Variants in CSGALNACT1 observed in about 807,000 individuals in gnomAD.
The protein encoded by CSGALNACT1 is beta4GalNAcT-1.
In CSGALNACT1, 52 loss-of-function variants were observed where a neutral mutation model predicts 51.0. That is an observed-to-expected ratio of 1.02 (90% CI 0.82 to 1.29). CSGALNACT1 has a LOEUF of 1.29. CSGALNACT1 is among the 50% of genes most tolerant of loss of function. The probability of loss-of-function intolerance (pLI) is 0.00; values close to 1 mark genes in which losing one functional copy is unlikely to be tolerated. For synonymous variants in CSGALNACT1, 341 were observed against 254.4 expected, an observed-to-expected ratio of 1.34 and a Z score of -3.24; for missense variants, 935 against 679.2, an observed-to-expected ratio of 1.38 and a Z score of -4.19.
At chr8:19,495,318 C>T (rs1385942087) in intron 4 of CSGALNACT1, 1 of 152,166 alleles carries the variant, frequency 6.6e-6, no homozygotes, top group Non-Finnish European at 1.5e-5. Context: ...GGGTCCTGTT[C>T]CAATATTCAT....
intron 3 of CSGALNACT1, among the ~76,000 whole-genome samples, chr8:19,540,029 A>T (rs1717581622): frequency 6.6e-6 from 1 of 152,210 alleles, no homozygotes; most frequent in African/African-American, 2.4e-5. Flanking sequence ...CCAAAGACAC[A>T]GAGAGAGTAG....
chr8:19,726,972 G>A (rs2063433865), intron 1 of CSGALNACT1, among the ~76,000 whole-genome samples: 1 of 152,176 alleles, frequency 6.6e-6, no homozygotes, highest in Admixed American at 6.5e-5. Context: ...CTCATACAGA[G>A]TTACTAGTCA....
At position 19,505,582 on chromosome 8, in the gene CSGALNACT1, C is replaced by A. The variant is rs764416172; in HGVS notation, c.253G>T (p.Glu85Ter). 6.2e-7 allele frequency: 1 copy of A among 1,614,028 alleles called. No individual in the cohort carries two copies. The highest frequency in any genetic ancestry group is 8.5e-7 in the Non-Finnish European group (1 of 1,180,034). Reference sequence around the variant, plus strand: ...AGCTGCTCACTCCTCTCCTGCAGCTCCTCCTTGAGCTGTGCGATCTGCCGC... The same window carrying A: ...AGCTGCTCACTCCTCTCCTGCAGCTACTCCTTGAGCTGTGCGATCTGCCGC... Residue 85 changes from glutamate (E) to a stop codon, truncating the protein, a stop_gained, in exon 4 of 10, where the codon GAG becomes TAG. Transcript: ENST00000454498. LOFTEE classifies it high-confidence loss of function.
At chr8:19,531,970 G>GCC (rs1214316372) in intron 3 of CSGALNACT1, 2 of 151,998 alleles carry the variant, frequency 1.3e-5, no homozygotes, top group African/African-American at 4.8e-5. Context: ...GAGGAGCCTG[G>GCC]CCCTTCTGAA....
chr8:19,456,560 G>T (rs535711730), intron 5 of CSGALNACT1, among the ~76,000 whole-genome samples: 4 of 152,354 alleles, frequency 2.6e-5, no homozygotes, highest in Non-Finnish European at 5.9e-5. Flanking sequence ...TAATCAACCA[G>T]CGGCACTGTG....
chr8:19,717,514 T>C (rs538584522), intron 1 of CSGALNACT1, among the ~76,000 whole-genome samples: 20 of 152,208 alleles, frequency 1.3e-4, no homozygotes, highest in Non-Finnish European at 2.6e-4. Flanking sequence ...TTTTGACAAA[T>C]GCAATGAGTC....
intron 1 of CSGALNACT1, among the ~76,000 whole-genome samples, chr8:19,637,477 T>C (rs991398385): frequency 6.6e-6 from 1 of 152,218 alleles, no homozygotes; most frequent in African/African-American, 2.4e-5. Context: ...TTTTCCCTTC[T>C]GTTAGGTCTT....
intron 1 of CSGALNACT1, among the ~76,000 whole-genome samples, chr8:19,665,890 T>A (rs371793669): frequency 4.6e-5 from 7 of 152,182 alleles, no homozygotes; most frequent in East Asian, 1.9e-4. Context: ...TAGTCTCACC[T>A]CCCAGGACAA....
At chr8:19,702,508 TA>T (rs201122902) in intron 1 of CSGALNACT1, among the ~76,000 whole-genome samples, 3 of 150,172 alleles carry the variant, frequency 2.0e-5, no homozygotes, top group African/African-American at 7.4e-5. Flanking sequence ...TCTATGTCTC[TA>T]AAAAAAAACT....
intron 3 of CSGALNACT1, among the ~76,000 whole-genome samples, chr8:19,562,666 A>T (rs889857503): frequency 6.6e-6 from 1 of 152,200 alleles, no homozygotes; most frequent in African/African-American, 2.4e-5. Context: ...GAAGACAAGA[A>T]ACATATGAAG....
At chr8:19,624,423 T>C (rs1184517920) in intron 1 of CSGALNACT1, among the ~76,000 whole-genome samples, 1 of 152,182 alleles carries the variant, frequency 6.6e-6, no homozygotes, top group Non-Finnish European at 1.5e-5. Flanking sequence ...CCATAAAGCA[T>C]TTAGAACATA....
chr8:19,471,416 C>T (rs2068140645), intron 4 of CSGALNACT1, among the ~76,000 whole-genome samples: 1 of 152,114 alleles, frequency 6.6e-6, no homozygotes, highest in Admixed American at 6.5e-5. Context: ...CTTGGACCCT[C>T]AGGTACCCAC....
chr8:19,538,284 T>C (rs575244265), intron 3 of CSGALNACT1, among the ~76,000 whole-genome samples: 1 of 152,222 alleles, frequency 6.6e-6, no homozygotes, highest in Admixed American at 6.5e-5. Flanking sequence ...TGAGCTATGA[T>C]TGTACTCCAT....
exon 4 of CSGALNACT1, chr8:19,505,661 C>A: frequency 6.2e-7 from 1 of 1,614,186 alleles, no homozygotes; most frequent in Non-Finnish European, 8.5e-7. Context: ...GAAGGACGGC[C>A]TGGTACCCCT....
intron 5 of CSGALNACT1, among the ~76,000 whole-genome samples, chr8:19,447,474 C>T (rs1401014389): frequency 6.6e-6 from 1 of 152,140 alleles, no homozygotes; most frequent in Non-Finnish European, 1.5e-5. Context: ...GGGGTTGTAC[C>T]CTTAGGGTGA....
At chr8:19,495,353 A>G (rs1242244874) in intron 4 of CSGALNACT1, among the ~76,000 whole-genome samples, 3 of 152,236 alleles carry the variant, frequency 2.0e-5, no homozygotes, top group African/African-American at 7.2e-5. Flanking sequence ...GAAAGCACAG[A>G]AACAATATTG....
At chr8:19,674,462 G>T (rs565857787) in intron 1 of CSGALNACT1, among the ~76,000 whole-genome samples, 2 of 152,142 alleles carry the variant, frequency 1.3e-5, no homozygotes, top group African/African-American at 4.8e-5. Flanking sequence ...AGACCCTGAG[G>T]CAGGACAATG....
At chr8:19,583,895 G>C (rs1375617881) in intron 3 of CSGALNACT1, among the ~76,000 whole-genome samples, 3 of 152,196 alleles carry the variant, frequency 2.0e-5, no homozygotes, top group Non-Finnish European at 4.4e-5. Flanking sequence ...TTGGGTTTGA[G>C]AGAAGTCAGA....
chr8:19,743,324 C>T (rs570066594), intron 1 of CSGALNACT1, among the ~76,000 whole-genome samples: 5 of 152,160 alleles, frequency 3.3e-5, no homozygotes, highest in Admixed American at 2.6e-4. Context: ...TGGTTCATGA[C>T]AGTCAGCCCA....
Sources: gnomAD v4.1 joint callset for allele counts (sites outside exome capture counted in the v4.1 genomes callset) on GRCh38, gnomAD v4.1.1 for gene constraint, MANE v1.5 for transcripts, NCBI Gene and HGNC (gene_info 2026-07-23, HGNC 2026-07-21) for gene names.